Variants in DCLK1 observed in about 807,000 individuals in gnomAD.
DCLK1 encodes doublecortin like kinase 1, also known as serine/threonine-protein kinase DCLK1.
Under a neutral mutation model 86.2 loss-of-function variants are expected in DCLK1, and 16 were observed. The ratio of observed to expected loss-of-function variants is 0.19; its 90% confidence interval spans 0.13 to 0.28. The LOEUF (loss-of-function observed/expected upper bound fraction) is 0.28. Ranked by LOEUF, DCLK1 falls within the 10% of genes least tolerant of loss-of-function variation. The pLI, the probability that DCLK1 is intolerant of heterozygous loss-of-function variation, is 1.00. For synonymous variants in DCLK1, 369 were observed against 370.5 expected (o/e 1.00, Z 0.05); for missense variants, 590 against 940.2 (o/e 0.63, Z 4.87).
chr13:36,022,104 T>G (rs1881809727), intron 3 of DCLK1, among the ~76,000 whole-genome samples: 1 of 151,994 alleles, frequency 6.6e-6, no homozygotes, highest in Non-Finnish European at 1.5e-5. Flanking sequence ...GGAATGAAAT[T>G]AGAAATTAAT....
At chr13:36,128,946 G>A (rs1566023980) in intron 1 of DCLK1, among the ~76,000 whole-genome samples, 1 of 152,190 alleles carries the variant, frequency 6.6e-6, no homozygotes, top group Non-Finnish European at 1.5e-5. Context: ...CTAAAAGGGA[G>A]TGTGTCTTGG....
intron 3 of DCLK1, among the ~76,000 whole-genome samples, chr13:36,074,520 G>C (rs745912979): frequency 4.3e-5 from 3 of 70,466 alleles, no homozygotes; most frequent in Non-Finnish European, 1.1e-4. Context: ...AAAAAAAACA[G>C]AGAAGACAAT....
intron 4 of DCLK1, among the ~76,000 whole-genome samples, chr13:35,924,363 G>T (rs1162270622): frequency 1.3e-5 from 2 of 152,112 alleles, no homozygotes; most frequent in East Asian, 3.9e-4. Flanking sequence ...GAAATGGAAG[G>T]CTTAGGCCGG....
Position 36,099,053 on chromosome 13 carries a change from C to T in DCLK1, c.723+12816G>A, listed in dbSNP as rs549863199. Among the ~76,000 whole-genome samples, 30 of 151,792 alleles carry T rather than the reference C, an allele frequency of 2.0e-4. 1 individual carries two copies. Among genetic ancestry groups the T allele is most frequent in the East Asian group, 3.9e-4 (2 of 5,142 alleles). On this transcript the variant is annotated intron_variant, in intron 3 of 16. Transcript: ENST00000360631. Reference sequence around the variant, plus strand: ...CGCGATCAAAGCTCACTGCAACCTCCGCCTCCTGGGTTCAAGCGATTCTCC... The same window carrying T: ...CGCGATCAAAGCTCACTGCAACCTCTGCCTCCTGGGTTCAAGCGATTCTCC...
chr13:35,982,429 A>G (rs1432541726), intron 3 of DCLK1, among the ~76,000 whole-genome samples: 3 of 32,230 alleles, frequency 9.3e-5, no homozygotes, highest in African/African-American at 2.1e-4. Flanking sequence ...AGAGAGAGAG[A>G]GAGGGGGAGG....
rs572479029 is a variant in DCLK1, at chr13:35,815,397, T to C, written c.1555-4429A>G. Among the ~76,000 whole-genome samples the C allele has an allele frequency of 5.9e-5, 9 of 152,340 alleles. 1 individual carries two copies. In the South Asian group the frequency reaches 1.9e-3, roughly 32 times the overall value. ...TAATATGGCACTAAAAGCTGACTAATGTAACAGATGTGTTGGAACAAACGT... is the reference window on the plus strand; with the variant it reads ...TAATATGGCACTAAAAGCTGACTAACGTAACAGATGTGTTGGAACAAACGT... On this transcript the variant is annotated intron_variant, in intron 11 of 16. Transcript: ENST00000360631.
At chr13:35,862,837 T>C (rs774067247) in intron 5 of DCLK1, among the ~76,000 whole-genome samples, 3 of 152,194 alleles carry the variant, frequency 2.0e-5, no homozygotes, top group Non-Finnish European at 2.9e-5. Flanking sequence ...TCTGACCCTA[T>C]TAATGAGATC....
chr13:35,943,601 G>C (rs920002882), intron 4 of DCLK1, among the ~76,000 whole-genome samples: 4 of 152,148 alleles, frequency 2.6e-5, no homozygotes, highest in African/African-American at 9.7e-5. Context: ...GCCTGGCCAA[G>C]GTGAGGCTCC....
chr13:35,847,981 T>C, intron 6 of DCLK1: 1 of 985,308 alleles, frequency 1.0e-6, no homozygotes, highest in Non-Finnish European at 1.2e-6. Context: ...TCATACTTTA[T>C]ATATTTTTAA....
intron 3 of DCLK1, among the ~76,000 whole-genome samples, chr13:36,069,317 T>C (rs1048760335): frequency 7.9e-5 from 12 of 152,184 alleles, no homozygotes; most frequent in African/African-American, 2.9e-4. Flanking sequence ...TTAAATTAAG[T>C]TTAAATTAAG....
chr13:35,918,715 A>T (rs1875582694), intron 4 of DCLK1, among the ~76,000 whole-genome samples: 2 of 152,110 alleles, frequency 1.3e-5, no homozygotes, highest in South Asian at 4.2e-4. Context: ...GGCAAAGAAA[A>T]ATGGGCACTA....
chr13:35,839,454 CT>C (rs1869635242), intron 6 of DCLK1, among the ~76,000 whole-genome samples: 1 of 152,118 alleles, frequency 6.6e-6, no homozygotes, highest in Non-Finnish European at 1.5e-5. Flanking sequence ...AATCGGGGTC[CT>C]TTAGCTCGCT....
At chr13:35,843,355 T>C (rs531437796) in intron 6 of DCLK1, among the ~76,000 whole-genome samples, 1 of 152,328 alleles carries the variant, frequency 6.6e-6, no homozygotes, top group East Asian at 1.9e-4. Flanking sequence ...GGCACCTGGA[T>C]GCTTTTATGG....
intron 8 of DCLK1, among the ~76,000 whole-genome samples, chr13:35,830,358 T>C (rs542437294): frequency 7.9e-5 from 12 of 152,232 alleles, no homozygotes; most frequent in Admixed American, 6.5e-4. Flanking sequence ...GCCACTGCAC[T>C]CCAGCCTGGG....
At chr13:35,919,243 AT>A (rs956252836) in intron 4 of DCLK1, among the ~76,000 whole-genome samples, 5 of 150,854 alleles carry the variant, frequency 3.3e-5, no homozygotes, top group South Asian at 2.1e-4. Flanking sequence ...TTAAAAGTGC[AT>A]TTTTTTTTCA....
At chr13:35,892,777 T>G (rs1750905) in intron 4 of DCLK1, among the ~76,000 whole-genome samples, 1 of 152,162 alleles carries the variant, frequency 6.6e-6, no homozygotes, top group Non-Finnish European at 1.5e-5. Context: ...CCTGTTCCCT[T>G]TATGTAACAT....
intron 2 of DCLK1, among the ~76,000 whole-genome samples, chr13:36,120,700 G>A (rs1291833678): frequency 6.6e-6 from 1 of 152,028 alleles, no homozygotes; most frequent in East Asian, 1.9e-4. Flanking sequence ...ATAGGAAAAT[G>A]ATCATAAATG....
At chr13:35,882,782 TGA>T (rs1310953737) in intron 4 of DCLK1, among the ~76,000 whole-genome samples, 2 of 152,222 alleles carry the variant, frequency 1.3e-5, no homozygotes, top group Non-Finnish European at 2.9e-5. Context: ...AAATATTTAC[TGA>T]GTCTCTGCTG....
intron 3 of DCLK1, among the ~76,000 whole-genome samples, chr13:35,958,996 G>C (rs1000241457): frequency 5.3e-5 from 8 of 152,048 alleles, no homozygotes; most frequent in Non-Finnish European, 1.2e-4. Context: ...GATGGCAATA[G>C]TAAGATAAAA....
Sources: allele counts gnomAD v4.1 joint callset (sites outside exome capture counted in the v4.1 genomes callset), GRCh38; gene constraint gnomAD v4.1.1; transcripts MANE v1.5; gene names NCBI Gene and HGNC (gene_info 2026-07-23, HGNC 2026-07-21).